PANK1: variants seen among roughly 807,000 people sequenced by gnomAD.
PANK1 encodes pantothenic acid kinase 1.
PANK1 carries 18 observed loss-of-function variants against 40.1 expected under a neutral mutation model. That is an observed-to-expected ratio of 0.45 (90% confidence interval 0.31 to 0.67). PANK1 has a LOEUF of 0.67. Among genes scored for constraint, PANK1 ranks in the 30% least tolerant of loss-of-function variants. PANK1 has a pLI of 0.06. For synonymous variants in PANK1, 242 were observed against 237.7 expected, an observed-to-expected ratio of 1.02 and a Z score of -0.17; for missense variants, 457 against 599.6, an observed-to-expected ratio of 0.76 and a Z score of 2.48.
chr10:89,610,961 G>C (rs1182341320), intron 2 of PANK1, among the ~76,000 whole-genome samples: 3 of 147,106 alleles, frequency 2.0e-5, no homozygotes, highest in African/African-American at 7.4e-5. Context: ...GAAGAAATTG[G>C]AATGCACAGA....
intron 1 of PANK1, among the ~76,000 whole-genome samples, chr10:89,625,440 C>T (rs1845632759): frequency 6.6e-6 from 1 of 152,096 alleles, no homozygotes; most frequent in East Asian, 1.9e-4. Flanking sequence ...AGGTATTATC[C>T]AGCCATGACT....
At chr10:89,597,789 T>C (rs1844656710) in intron 3 of PANK1, among the ~76,000 whole-genome samples, 1 of 152,234 alleles carries the variant, frequency 6.6e-6, no homozygotes, top group African/African-American at 2.4e-5. Context: ...ATTATGTTTA[T>C]CAAATCACTC....
Position 89,583,175 on chromosome 10 carries a change from A to G in PANK1, c.*1231T>C, listed in dbSNP as rs1038765494. 6.6e-6 allele frequency: 1 copy of G among 152,172 alleles called. No individual in the cohort carries two copies. The highest frequency in any genetic ancestry group is 1.9e-4 in the East Asian group (1 of 5,200). 9.4% of individuals were successfully genotyped at this position (152,172 alleles called of 1,614,324 possible). A position where few individuals can be genotyped will look rare whatever the true frequency, so the allele number is the denominator to read the frequency against. ...AACAATAAGCTCAATACACAAGATCATGGGATCTCATGCATCCCAATATTT... is the reference window on the plus strand; with the variant it reads ...AACAATAAGCTCAATACACAAGATCGTGGGATCTCATGCATCCCAATATTT... On this transcript the variant is annotated 3_prime_UTR_variant, in exon 7 of 7. Coordinates refer to ENST00000307534, the MANE Select transcript of PANK1 (RefSeq NM_148977.3).
At chr10:89,591,901 C>T (rs1284084454) in intron 5 of PANK1, among the ~76,000 whole-genome samples, 1 of 152,120 alleles carries the variant, frequency 6.6e-6, no homozygotes, top group Non-Finnish European at 1.5e-5. Context: ...GCCAGCTCTG[C>T]GGAAAGTAGG....
intron 3 of PANK1, among the ~76,000 whole-genome samples, chr10:89,597,026 T>C (rs1350203875): frequency 6.6e-6 from 1 of 152,156 alleles, no homozygotes; most frequent in African/African-American, 2.4e-5. Context: ...CCATTTGAAA[T>C]CATGTTTAAA....
intron 1 of PANK1, among the ~76,000 whole-genome samples, chr10:89,613,230 A>G (rs1845216178): frequency 6.6e-6 from 1 of 152,208 alleles, no homozygotes; most frequent in South Asian, 2.1e-4. Context: ...TCCCTCACAG[A>G]ATCCATTGGC....
At chr10:89,588,825 C>A in intron 5 of PANK1, 48 bp from the exon 6 acceptor site, 1 of 1,443,882 alleles carries the variant, frequency 6.9e-7, no homozygotes, top group Non-Finnish European at 9.4e-7. Flanking sequence ...ATAAAAATAG[C>A]ATTTGGCAAA....
intron 1 of PANK1, among the ~76,000 whole-genome samples, chr10:89,636,131 C>G (rs1841798656): frequency 6.6e-6 from 1 of 152,136 alleles, no homozygotes. Flanking sequence ...GAGCCCACTC[C>G]TTAGGCTTTA....
At chr10:89,616,585 T>C (rs886968914) in intron 1 of PANK1, among the ~76,000 whole-genome samples, 2 of 151,962 alleles carry the variant, frequency 1.3e-5, no homozygotes, top group African/African-American at 4.8e-5. Flanking sequence ...TGCCTGTGAA[T>C]AGTTGCTGCA....
intron 6 of PANK1, 60 bp from the exon 7 acceptor site, chr10:89,584,525 A>G (rs1353263060): frequency 1.8e-6 from 2 of 1,131,390 alleles, no homozygotes; most frequent in East Asian, 2.3e-5. Flanking sequence ...ATTGTTTTTA[A>G]TAATTCTAGG....
downstream of PANK1, chr10:89,582,670 T>TTTTTTTTTTTTTTTTTTTGAG (rs1844073358): frequency 6.6e-6 from 1 of 152,220 alleles, no homozygotes; most frequent in African/African-American, 2.4e-5. Context: ...TGAATTTTTT[T>TTTTTTTTTTTTTTTTTTTGAG]AAAGCCAGAT....
intron 6 of PANK1, among the ~76,000 whole-genome samples, chr10:89,586,357 C>A (rs185047428): frequency 6.6e-6 from 1 of 151,852 alleles, no homozygotes; most frequent in Non-Finnish European, 1.5e-5. Context: ...TCAAACAAAA[C>A]CTTACATGGA....
chr10:89,613,836 C>A (rs934573536), intron 1 of PANK1, among the ~76,000 whole-genome samples: 3 of 152,188 alleles, frequency 2.0e-5, no homozygotes, highest in African/African-American at 7.2e-5. Flanking sequence ...AGTGTAGGAG[C>A]AGCATGTTGT....
At chr10:89,610,000 G>A (rs937724626) in intron 2 of PANK1, among the ~76,000 whole-genome samples, 3 of 152,196 alleles carry the variant, frequency 2.0e-5, no homozygotes, top group Non-Finnish European at 4.4e-5. Flanking sequence ...AGGGACCTGA[G>A]GAGCTCAGAG....
At chr10:89,633,402 T>G (rs1389604538) in intron 1 of PANK1, among the ~76,000 whole-genome samples, 1 of 152,052 alleles carries the variant, frequency 6.6e-6, no homozygotes, top group Non-Finnish European at 1.5e-5. Context: ...GGACCCTTTC[T>G]CAAAGTAAAA....
In PANK1 at chr10:89,593,147, T is replaced by A. The variant is rs553160700; in HGVS notation, c.1200+50A>T. On this transcript the variant is annotated intron_variant, in intron 5 of 6. Coordinates refer to ENST00000307534, the MANE Select transcript of PANK1 (RefSeq NM_148977.3). ...GTCAACAGGTGTTGCACTGCCAAGA[T>A]GATGTATATGAATGACACACAGCTT... The A allele has an allele frequency of 6.3e-6, 10 of 1,589,284 alleles. No individual in the cohort carries two copies. The African/African-American group carries it at 1.3e-4, about 21-fold the overall frequency.
chr10:89,607,203 A>G (rs577772712), intron 2 of PANK1, among the ~76,000 whole-genome samples: 2 of 152,224 alleles, frequency 1.3e-5, no homozygotes, highest in South Asian at 4.1e-4. Context: ...TTGAATATTT[A>G]GAGGCCAATT....
Position 89,644,843 on chromosome 10 carries a change from C to G in PANK1, c.49G>C (p.Gly17Arg), listed in dbSNP as rs1389324430. The G allele has an allele frequency of 2.0e-6, 3 of 1,471,254 alleles. No individual in the cohort carries two copies. In the African/African-American group the frequency reaches 4.5e-5, roughly 22 times the overall value. 91.1% of individuals were successfully genotyped at this position (1,471,254 alleles called of 1,614,324 possible). ...QQERSVPHSP[G>R]APVGTSAAAV... Reference sequence around the variant, plus strand: ...GCGGCGCTGGTGCCCACGGGGGCCCCTGGAGAGTGCGGGACCGAGCGCTCC... The same window carrying G: ...GCGGCGCTGGTGCCCACGGGGGCCCGTGGAGAGTGCGGGACCGAGCGCTCC... The change falls in exon 1 of 7, where the codon GGG becomes CGG. Residue 17 changes from glycine (G) to arginine (R), a missense_variant. Around this residue, in one of 4 missense-constraint regions of PANK1, gnomAD observed 144 missense variants for 131.2 expected, o/e 1.10. Coordinates refer to ENST00000307534, the MANE Select transcript of PANK1 (RefSeq NM_148977.3).
chr10:89,630,560 T>C (rs1287073946), intron 1 of PANK1, among the ~76,000 whole-genome samples: 1 of 151,858 alleles, frequency 6.6e-6, no homozygotes, highest in Non-Finnish European at 1.5e-5. Context: ...CGGCGCGATC[T>C]TGGTGTACTG....
Sources: allele counts gnomAD v4.1 joint callset (sites outside exome capture counted in the v4.1 genomes callset), GRCh38; gene constraint gnomAD v4.1.1; regional missense constraint gnomAD v4.1.1; transcripts MANE v1.5; gene names NCBI Gene and HGNC (gene_info 2026-07-23, HGNC 2026-07-21).